Variants in FOXP1 observed in about 807,000 individuals in gnomAD.
FOXP1 encodes the protein forkhead box P1, also known as forkhead box protein P1.
FOXP1 carries 15 observed loss-of-function variants against 98.2 expected under a neutral mutation model. That is an observed-to-expected ratio of 0.15 (90% CI 0.10 to 0.24). FOXP1 has a LOEUF of 0.24. Ranked by LOEUF, FOXP1 falls within the 10% of genes least tolerant of loss-of-function variation. FOXP1 has a pLI of 1.00. For synonymous variants in FOXP1, 371 were observed against 314.5 expected (o/e 1.18, Z -1.90); for missense variants, 633 against 848.5 (o/e 0.75, Z 3.15).
At chr3:71,381,437 CTTTTTTTTTTTTTT>C (rs1171799165) in intron 3 of FOXP1, among the ~76,000 whole-genome samples, 3 of 77,694 alleles carry the variant, frequency 3.9e-5, no homozygotes, top group African/African-American at 1.8e-4. Flanking sequence ...TGCGCCTGGC[CTTTTTTTTTTTTTT>C]TTTTTTTTTG....
chr3:71,544,260 T>C (rs2045167196), intron 2 of FOXP1, among the ~76,000 whole-genome samples: 1 of 151,400 alleles, frequency 6.6e-6, no homozygotes, highest in African/African-American at 2.4e-5. Flanking sequence ...AGTTATAAAA[T>C]ATGTATTTAT....
intron 2 of FOXP1, among the ~76,000 whole-genome samples, chr3:71,580,040 G>C (rs552281483): frequency 1.3e-5 from 2 of 151,994 alleles, no homozygotes; most frequent in African/African-American, 4.8e-5. Context: ...CTTGCTGCTT[G>C]ATCGAATAGT....
At chr3:71,437,071 G>C (rs964258903) in intron 3 of FOXP1, among the ~76,000 whole-genome samples, 1 of 152,094 alleles carries the variant, frequency 6.6e-6, no homozygotes, top group Admixed American at 6.6e-5. Context: ...TGGCATTAAC[G>C]TTTCTCAGTC....
At chr3:71,004,214 A>G (rs2042475108) in intron 12 of FOXP1, among the ~76,000 whole-genome samples, 1 of 152,100 alleles carries the variant, frequency 6.6e-6, no homozygotes, top group Non-Finnish European at 1.5e-5. Context: ...TAAAATGATC[A>G]CGGCTACCAT....
chr3:70,966,491 A>T (rs529129111), intron 19 of FOXP1: 8 of 209,136 alleles, frequency 3.8e-5, no homozygotes, highest in Non-Finnish European at 6.0e-5. Flanking sequence ...TCCTGGCCGC[A>T]CCGCTCAAAC....
At chr3:71,405,777 G>A (rs1367018967) in intron 3 of FOXP1, among the ~76,000 whole-genome samples, 1 of 151,816 alleles carries the variant, frequency 6.6e-6, no homozygotes, top group African/African-American at 2.4e-5. Flanking sequence ...CACCCAGGCT[G>A]GAGTGCAGTG....
intron 5 of FOXP1, among the ~76,000 whole-genome samples, chr3:71,222,587 T>C (rs548428766): frequency 6.6e-6 from 1 of 152,186 alleles, no homozygotes; most frequent in African/African-American, 2.4e-5. Context: ...CCTGGCTACC[T>C]TTTGTATGTT....
chr3:71,069,641 GCCA>G (rs2052976038), intron 7 of FOXP1, among the ~76,000 whole-genome samples: 2 of 152,036 alleles, frequency 1.3e-5, no homozygotes, highest in South Asian at 2.1e-4. Flanking sequence ...AAACATCACT[GCCA>G]CCACCACCAC....
chr3:71,039,137 A>AT (rs2047997612), intron 11 of FOXP1, among the ~76,000 whole-genome samples: 2 of 151,970 alleles, frequency 1.3e-5, no homozygotes, highest in South Asian at 2.1e-4. Flanking sequence ...GATTCAAGAG[A>AT]TTAAGTAGTG....
chr3:71,142,444 T>C (rs2060116609), intron 6 of FOXP1, among the ~76,000 whole-genome samples: 1 of 152,236 alleles, frequency 6.6e-6, no homozygotes, highest in Non-Finnish European at 1.5e-5. Context: ...TGGAATCACA[T>C]GAACCCTTTC....
intron 7 of FOXP1, among the ~76,000 whole-genome samples, chr3:71,079,623 T>C (rs575742672): frequency 1.3e-5 from 2 of 152,214 alleles, no homozygotes; most frequent in Non-Finnish European, 2.9e-5. Flanking sequence ...CTATTGTTAC[T>C]ATTTGACAAT....
At chr3:71,583,452 T>G (rs2048353300) in intron 1 of FOXP1, 119 bp downstream of exon 1, 1 of 977,826 alleles carries the variant, frequency 1.0e-6, no homozygotes, top group African/African-American at 1.8e-5. Flanking sequence ...TTTTTTTCTC[T>G]TTTTCTTTCT....
intron 3 of FOXP1, among the ~76,000 whole-genome samples, chr3:71,436,209 C>G (rs1029318466): frequency 6.6e-6 from 1 of 151,974 alleles, no homozygotes; most frequent in East Asian, 1.9e-4. Flanking sequence ...CCCGCAACAG[C>G]CCCTGCCACC....
chr3:71,412,113 T>C (rs1048612251), intron 3 of FOXP1, among the ~76,000 whole-genome samples: 6 of 151,370 alleles, frequency 4.0e-5, no homozygotes, highest in Non-Finnish European at 7.4e-5. Context: ...GACAAATCAT[T>C]CCTTTTCCTG....
intron 3 of FOXP1, among the ~76,000 whole-genome samples, chr3:71,399,185 CAT>C (rs1237398248): frequency 1.3e-5 from 2 of 152,252 alleles, no homozygotes; most frequent in African/African-American, 2.4e-5. Flanking sequence ...TGTACATACA[CAT>C]ATGTGTATAT....
chr3:71,487,481 T>A (rs1385858786), intron 3 of FOXP1, among the ~76,000 whole-genome samples: 1 of 152,212 alleles, frequency 6.6e-6, no homozygotes, highest in Non-Finnish European at 1.5e-5. Context: ...CCTTATACCT[T>A]ATACACTGCA....
At chr3:71,074,112 G>A (rs760983238) in intron 7 of FOXP1, among the ~76,000 whole-genome samples, 2 of 152,246 alleles carry the variant, frequency 1.3e-5, no homozygotes, top group African/African-American at 4.8e-5. Flanking sequence ...TTATGGGAAT[G>A]TGTGATGCAT....
intron 5 of FOXP1, among the ~76,000 whole-genome samples, chr3:71,283,461 G>A (rs895490296): frequency 6.6e-6 from 1 of 152,194 alleles, no homozygotes; most frequent in South Asian, 2.1e-4. Flanking sequence ...AGCTGAAAGA[G>A]AAATGGGGAG....
At chr3:71,000,187 A>T (rs73838129) in intron 13 of FOXP1, among the ~76,000 whole-genome samples, 1,617 of 151,108 alleles carry the variant, frequency 0.011, 27 homozygotes, top group African/African-American at 0.038. Context: ...ACTCACATTT[A>T]AAAAAAAAGG....
Sources: allele counts gnomAD v4.1 joint callset (sites outside exome capture counted in the v4.1 genomes callset), GRCh38; gene constraint gnomAD v4.1.1; transcripts MANE v1.5; gene names NCBI Gene and HGNC (gene_info 2026-07-23, HGNC 2026-07-21).